The following ESR1 variants were observed in gnomAD, a reference collection of about 807,000 sequenced individuals.
ESR1 encodes estrogen receptor.
A neutral mutation model predicts 52.7 loss-of-function variants in ESR1; 12 were observed. The ratio of observed to expected loss-of-function variants is 0.23; its 90% CI spans 0.15 to 0.37. The LOEUF (loss-of-function observed/expected upper bound fraction) is 0.37. Among genes scored for constraint, ESR1 ranks in the 10% least tolerant of loss-of-function variants. ESR1 has a pLI of 1.00. For missense variants in ESR1, 584 were observed against 779.7 expected, an observed-to-expected ratio of 0.75 and a Z score of 2.99; for synonymous variants, 305 against 316.8, an observed-to-expected ratio of 0.96 and a Z score of 0.39.
At chr6:151,675,421 C>A (rs1383491550) in intron 1 of ESR1, among the ~76,000 whole-genome samples, 2 of 152,046 alleles carry the variant, frequency 1.3e-5, no homozygotes, top group East Asian at 1.9e-4. Flanking sequence ...AGTTTCTGAG[C>A]TGCTTCATAA....
chr6:151,767,004 A>G (rs1785109893), intron 2 of ESR1, among the ~76,000 whole-genome samples: 1 of 152,250 alleles, frequency 6.6e-6, no homozygotes, highest in Non-Finnish European at 1.5e-5. Context: ...GACTTATTCT[A>G]TATGAAGACA....
intron 6 of ESR1, among the ~76,000 whole-genome samples, chr6:152,072,262 A>G (rs939356988): frequency 6.6e-6 from 1 of 152,238 alleles, no homozygotes. Flanking sequence ...CACTGACACA[A>G]TGCTGATGAA....
At chr6:152,125,324 A>G in exon 7 of ESR1, 1 of 1,550,452 alleles carries the variant, frequency 6.4e-7, no homozygotes, top group Non-Finnish European at 8.7e-7. Flanking sequence ...AAATATTTGG[A>G]AACAAGTGGT....
chr6:151,739,935 T>TCTCAC (rs1782954006), intron 2 of ESR1, among the ~76,000 whole-genome samples: 1 of 152,164 alleles, frequency 6.6e-6, no homozygotes, highest in South Asian at 2.1e-4. Context: ...CATCCAGCAA[T>TCTCAC]ATTTATTGAG....
At chr6:152,128,233 T>A (rs1562865879) in exon 7 of ESR1, 1 of 152,212 alleles carries the variant, frequency 6.6e-6, no homozygotes, top group Non-Finnish European at 1.5e-5. Context: ...GAAAGCATGC[T>A]TCTAAAGTGT....
chr6:152,040,904 C>T (rs1332695042), intron 5 of ESR1, among the ~76,000 whole-genome samples: 1 of 152,158 alleles, frequency 6.6e-6, no homozygotes, highest in Admixed American at 6.5e-5. Context: ...GTACTTGTTC[C>T]CTCAGGACTT....
At chr6:152,033,901 C>A (rs1332820486) in intron 5 of ESR1, among the ~76,000 whole-genome samples, 2 of 152,086 alleles carry the variant, frequency 1.3e-5, no homozygotes, top group Admixed American at 1.3e-4. Context: ...ACCCAAATGT[C>A]CAACAATGAT....
intron 2 of ESR1, among the ~76,000 whole-genome samples, chr6:151,794,492 A>C (rs1452941689): frequency 6.6e-6 from 1 of 152,124 alleles, no homozygotes; most frequent in Non-Finnish European, 1.5e-5. Flanking sequence ...ATTACTTCCA[A>C]ATTTTTTTTA....
chr6:151,907,664 A>G (rs1487459364), intron 3 of ESR1, among the ~76,000 whole-genome samples: 1 of 152,104 alleles, frequency 6.6e-6, no homozygotes, highest in Non-Finnish European at 1.5e-5. Flanking sequence ...CCCGAATTGT[A>G]TGTTTTTGTT....
intron 6 of ESR1, among the ~76,000 whole-genome samples, chr6:152,087,390 A>C (rs2049817842): frequency 6.6e-6 from 1 of 152,226 alleles, no homozygotes. Context: ...CCCATCAGCA[A>C]GTCATAAAAT....
intron 2 of ESR1, among the ~76,000 whole-genome samples, chr6:151,751,777 A>C (rs1286053251): frequency 1.3e-5 from 2 of 152,228 alleles, no homozygotes; most frequent in Non-Finnish European, 2.9e-5. Context: ...CCAAAACTAT[A>C]ATGTACCAGC....
At chr6:151,708,619 C>T (rs1053147564) in intron 2 of ESR1, among the ~76,000 whole-genome samples, 4 of 152,244 alleles carry the variant, frequency 2.6e-5, no homozygotes, top group East Asian at 1.9e-4. Context: ...AATGAGTAAG[C>T]ATTGTTAATT....
At chr6:151,658,070 T>C (rs570904932) in intron 1 of ESR1, among the ~76,000 whole-genome samples, 1 of 152,216 alleles carries the variant, frequency 6.6e-6, no homozygotes, top group Non-Finnish European at 1.5e-5. Flanking sequence ...TACTCTCCAA[T>C]TAGATTTTAG....
chr6:151,769,434 G>A (rs1287978749), intron 2 of ESR1, among the ~76,000 whole-genome samples: 1 of 152,116 alleles, frequency 6.6e-6, no homozygotes, highest in Non-Finnish European at 1.5e-5. Flanking sequence ...CCACATGCGC[G>A]CACACCCTCC....
intron 2 of ESR1, among the ~76,000 whole-genome samples, chr6:151,844,563 G>T (rs1365199010): frequency 2.0e-5 from 3 of 152,172 alleles, no homozygotes; most frequent in Non-Finnish European, 4.4e-5. Context: ...TACCGAACTG[G>T]ATTATAGCCT....
chr6:152,080,582 G>A (rs946048758), intron 6 of ESR1, among the ~76,000 whole-genome samples: 12 of 152,198 alleles, frequency 7.9e-5, no homozygotes, highest in Non-Finnish European at 7.3e-5. Flanking sequence ...ACGCTATGAA[G>A]AAACTGCATC....
chr6:152,078,407 G>T (rs1393530986), intron 6 of ESR1, among the ~76,000 whole-genome samples: 1 of 152,158 alleles, frequency 6.6e-6, no homozygotes, highest in Non-Finnish European at 1.5e-5. Flanking sequence ...AATTTCATAA[G>T]ACCTCTCTTT....
In ESR1 at chr6:152,053,010, T is replaced by C. The variant is rs970493024; in HGVS notation, c.1236-7981T>C. 2.4e-4 allele frequency among the ~76,000 whole-genome samples: 36 copies of C among 152,166 alleles called. No homozygotes were observed. The highest frequency in any genetic ancestry group is 7.5e-4 in the African/African-American group (31 of 41,448). On this transcript the variant is annotated intron_variant, in intron 5 of 7. Transcript: ENST00000206249. The surrounding 1 kb of genome is among the most constrained non-coding windows in gnomAD (Gnocchi z 4.1). ...GGTCCTGGAGGCTCCAGGCTCAGGC[T>C]ACCTTCCCATATTCTCTGAAAATAA...
chr6:152,006,380 AT>A (rs1006715454), intron 4 of ESR1, among the ~76,000 whole-genome samples: 9 of 148,892 alleles, frequency 6.0e-5, no homozygotes, highest in Admixed American at 1.3e-4. Flanking sequence ...GAGTCCAAAC[AT>A]TTTTTTTTTG....
Sources: gnomAD v4.1 joint callset for allele counts (sites outside exome capture counted in the v4.1 genomes callset) on GRCh38, gnomAD v4.1.1 for gene constraint, Gnocchi (gnomAD v3.1) non-coding constraint, MANE v1.5 for transcripts, NCBI Gene and HGNC (gene_info 2026-07-23, HGNC 2026-07-21) for gene names.